The following THUMPD2 variants were observed in gnomAD, a reference collection of about 807,000 sequenced individuals.
The protein encoded by THUMPD2 is THUMP domain 2 tRNA and snRNA guanosine methyltransferase.
THUMPD2 carries 56 observed loss-of-function variants against 49.4 expected under a neutral mutation model. The ratio of observed to expected loss-of-function variants is 1.13; its 90% CI spans 0.91 to 1.41. The LOEUF (loss-of-function observed/expected upper bound fraction) is 1.41. Among genes scored for constraint, THUMPD2 ranks in the 40% most tolerant of loss-of-function variants. THUMPD2 has a pLI of 0.00. For synonymous variants in THUMPD2, 237 were observed against 205.2 expected, an observed-to-expected ratio of 1.15 and a Z score of -1.32; for missense variants, 709 against 594.5, an observed-to-expected ratio of 1.19 and a Z score of -2.00.
intron 2 of THUMPD2, among the ~76,000 whole-genome samples, chr2:39,770,554 C>T (rs12624217): frequency 0.41 from 62,461 of 151,810 alleles, 14,376 homozygotes; most frequent in East Asian, 0.74. Flanking sequence ...GGGCCTGTTA[C>T]ATTTTAGCCC....
chr2:39,756,430 G>A (rs1474986819), intron 6 of THUMPD2, among the ~76,000 whole-genome samples: 2 of 150,000 alleles, frequency 1.3e-5, no homozygotes, highest in Non-Finnish European at 3.0e-5. Context: ...CAGAGATCGC[G>A]CCCCTGCACT....
At chr2:39,765,257 T>C (rs1677359561) in intron 5 of THUMPD2, among the ~76,000 whole-genome samples, 1 of 152,132 alleles carries the variant, frequency 6.6e-6, no homozygotes, top group Non-Finnish European at 1.5e-5. Flanking sequence ...CCTCCTGGGT[T>C]CAAGTGATTC....
At chr2:39,752,864 A>G (rs140547739) in intron 8 of THUMPD2, among the ~76,000 whole-genome samples, 5 of 152,294 alleles carry the variant, frequency 3.3e-5, no homozygotes, top group African/African-American at 1.2e-4. Flanking sequence ...ACTTATGTCC[A>G]CTACCGGTTT....
intron 8 of THUMPD2, among the ~76,000 whole-genome samples, chr2:39,750,027 CT>C (rs1380222848): frequency 6.6e-6 from 1 of 152,178 alleles, no homozygotes; most frequent in Non-Finnish European, 1.5e-5. Flanking sequence ...GACTCTGTGT[CT>C]TTGCTATCAT....
At chr2:39,753,452 C>A (rs1263436977) in intron 8 of THUMPD2, among the ~76,000 whole-genome samples, 1 of 152,184 alleles carries the variant, frequency 6.6e-6, no homozygotes, top group Non-Finnish European at 1.5e-5. Flanking sequence ...TCTCTACTTA[C>A]ACTCATTCCC....
intron 1 of THUMPD2, among the ~76,000 whole-genome samples, chr2:39,773,209 A>G (rs578011916): frequency 6.6e-6 from 1 of 152,340 alleles, no homozygotes; most frequent in Admixed American, 6.5e-5. Flanking sequence ...CAAAGTTTCA[A>G]AAAGTAAATT....
intron 8 of THUMPD2, 145 bp from the exon 9 acceptor site, chr2:39,744,623 G>GA: frequency 4.0e-6 from 2 of 495,408 alleles, no homozygotes; most frequent in Admixed American, 4.3e-5. Flanking sequence ...GTAATTACAA[G>GA]ATCCCAAAAT....
chr2:39,764,973 G>C (rs1677310919), intron 5 of THUMPD2, among the ~76,000 whole-genome samples: 2 of 151,986 alleles, frequency 1.3e-5, no homozygotes, highest in African/African-American at 4.8e-5. Flanking sequence ...TTTCTAGCAA[G>C]CATTAAAATA....
intron 7 of THUMPD2, 106 bp from the exon 8 acceptor site, chr2:39,755,515 T>G (rs1245290277): frequency 1.1e-5 from 8 of 742,302 alleles, no homozygotes; most frequent in Non-Finnish European, 1.7e-5. Context: ...ATTAGTAGAT[T>G]TTAAATTCAG....
chr2:39,759,971 G>A (rs1676605709), intron 6 of THUMPD2, among the ~76,000 whole-genome samples: 2 of 152,168 alleles, frequency 1.3e-5, no homozygotes, highest in Admixed American at 1.3e-4. Flanking sequence ...ACAAAGAGAA[G>A]AAGAGAAATG....
rs1438957770 is a variant in THUMPD2, at chr2:39,737,209, T to C, written c.1188-150A>G. 3.8e-5 allele frequency: 26 copies of C among 687,966 alleles called. No homozygotes were observed. In the East Asian group the frequency reaches 6.9e-4, roughly 18 times the overall value. The allele number at this position is 687,966 out of a possible 1,614,324, so 42.6% of individuals were successfully genotyped here. ...TTTTTGATAATTAGGTAGTATCTTC[T>C]ATAATGTATATTCATTATAGTAATT... On this transcript the variant is annotated intron_variant, in intron 9 of 9. Coordinates refer to ENST00000505747, the MANE Select transcript of THUMPD2 (RefSeq NM_025264.5).
At chr2:39,745,256 T>C (rs1674415679) in intron 8 of THUMPD2, among the ~76,000 whole-genome samples, 2 of 152,196 alleles carry the variant, frequency 1.3e-5, no homozygotes, top group Non-Finnish European at 2.9e-5. Context: ...ATTTAAATAA[T>C]CTTCACTAAA....
rs1261605523 is a variant in THUMPD2, at chr2:39,769,982, T to A, written c.400A>T (p.Lys134Ter). 6.3e-7 allele frequency: 1 copy of A among 1,579,326 alleles called. No individual in the cohort carries two copies. The highest frequency in any genetic ancestry group is 1.4e-5 in the African/African-American group (1 of 72,412). The change falls in exon 3 of 10, where the codon AAA (lysine) becomes TAA (stop). Residue 134 changes from lysine to a stop codon, truncating the protein, a stop_gained. Transcript: ENST00000505747. LOFTEE classifies it high-confidence loss of function. ...ATTTCATTTTCTCCCACTTTTCTTT[T>A]TAGTTGGTTATCATCTCTCTGAGAA... ...KLSQRDDNQLKRKVGENEIIA... is the reference protein window; with the variant it reads ...KLSQRDDNQL
intron 3 of THUMPD2, chr2:39,768,822 G>T: frequency 9.4e-7 from 1 of 1,067,648 alleles, no homozygotes. Flanking sequence ...GGAAATAGAT[G>T]CAAGCTGAAA....
At chr2:39,772,507 G>T (rs1237896585) in intron 1 of THUMPD2, among the ~76,000 whole-genome samples, 1 of 152,118 alleles carries the variant, frequency 6.6e-6, no homozygotes, top group Non-Finnish European at 1.5e-5. Context: ...ACTAGATAAT[G>T]AATAGAAGCA....
At chr2:39,768,319 C>T (rs1251217735) in intron 4 of THUMPD2, 105 bp downstream of exon 4, 2 of 973,548 alleles carry the variant, frequency 2.1e-6, no homozygotes, top group South Asian at 2.9e-5. Flanking sequence ...TGTAGATACA[C>T]TTTTTATAAC....
intron 4 of THUMPD2, among the ~76,000 whole-genome samples, chr2:39,768,059 G>C (rs953087431): frequency 3.9e-5 from 6 of 151,968 alleles, no homozygotes; most frequent in Non-Finnish European, 8.8e-5. Flanking sequence ...TTTTGTGTAG[G>C]ACTTTGTTGT....
chr2:39,752,942 A>G (rs1458973812), intron 8 of THUMPD2, among the ~76,000 whole-genome samples: 1 of 152,128 alleles, frequency 6.6e-6, no homozygotes, highest in African/African-American at 2.4e-5. Flanking sequence ...TGCATGCCCA[A>G]CCACTCATGC....
chr2:39,762,476 T>C (rs960500661), intron 5 of THUMPD2, among the ~76,000 whole-genome samples: 1 of 152,116 alleles, frequency 6.6e-6, no homozygotes, highest in African/African-American at 2.4e-5. Context: ...AACAGTGTAA[T>C]TGTATACTTG....
Sources: allele counts gnomAD v4.1 joint callset (sites outside exome capture counted in the v4.1 genomes callset), GRCh38; gene constraint gnomAD v4.1.1; transcripts MANE v1.5; gene names NCBI Gene and HGNC (gene_info 2026-07-23, HGNC 2026-07-21).